ACOT7: variants seen among roughly 807,000 people sequenced by gnomAD.
ACOT7 encodes the protein cytosolic acyl coenzyme A thioester hydrolase.
ACOT7 carries 12 observed loss-of-function variants against 40.2 expected under a neutral mutation model. That is an observed-to-expected ratio of 0.30 (90% CI 0.19 to 0.48). ACOT7 has a LOEUF of 0.48. ACOT7 is among the 20% of genes least tolerant of loss of function. The pLI is 0.99. For missense variants in ACOT7, 395 were observed against 530.8 expected, an observed-to-expected ratio of 0.74 and a Z score of 2.51; for synonymous variants, 228 against 219.5, an observed-to-expected ratio of 1.04 and a Z score of -0.34.
At chr1:6,343,525 C>A (rs1641334553) in intron 2 of ACOT7, among the ~76,000 whole-genome samples, 2 of 152,250 alleles carry the variant, frequency 1.3e-5, no homozygotes, top group African/African-American at 4.8e-5. Context: ...CCCAGCAAAC[C>A]CTGCCCTACT....
intron 2 of ACOT7, among the ~76,000 whole-genome samples, chr1:6,348,094 C>G (rs1286313064): frequency 6.6e-6 from 1 of 151,870 alleles, no homozygotes; most frequent in Non-Finnish European, 1.5e-5. Context: ...CAGGCTCAGG[C>G]CCACCCTCCC....
chr1:6,268,002 G>A (rs1054090635), intron 8 of ACOT7, among the ~76,000 whole-genome samples: 2 of 152,200 alleles, frequency 1.3e-5, no homozygotes, highest in South Asian at 4.1e-4. Context: ...CGGTCACAGG[G>A]TCTGCCTATC....
intron 1 of ACOT7, among the ~76,000 whole-genome samples, chr1:6,366,855 T>C (rs1340652532): frequency 6.6e-6 from 1 of 151,942 alleles, no homozygotes; most frequent in African/African-American, 2.4e-5. Flanking sequence ...GGGGAGAACA[T>C]GTCAGCCAAG....
chr1:6,313,501 T>C (rs78493435), intron 6 of ACOT7, among the ~76,000 whole-genome samples: 2 of 152,342 alleles, frequency 1.3e-5, no homozygotes, highest in East Asian at 3.9e-4. Context: ...GATGACCCTC[T>C]AGGCCCCATG....
chr1:6,271,320 T>C (rs1467438581), intron 8 of ACOT7, among the ~76,000 whole-genome samples: 1 of 152,142 alleles, frequency 6.6e-6, no homozygotes, highest in African/African-American at 2.4e-5. Flanking sequence ...TTTCCAGTGG[T>C]GATATAACAA....
At chr1:6,386,498 C>T (rs1192272610) in intron 1 of ACOT7, among the ~76,000 whole-genome samples, 2 of 152,136 alleles carry the variant, frequency 1.3e-5, no homozygotes, top group African/African-American at 2.4e-5. Context: ...CAGCAAATCC[C>T]GGATTTCCCA....
chr1:6,265,104 G>A (rs1638780505), intron 8 of ACOT7, among the ~76,000 whole-genome samples: 1 of 152,202 alleles, frequency 6.6e-6, no homozygotes, highest in African/African-American at 2.4e-5. Flanking sequence ...GGACTTCGGT[G>A]GAAAATGCAC....
intron 8 of ACOT7, among the ~76,000 whole-genome samples, chr1:6,271,593 AGCGGAGCCTGTCCGCCATCC>A (rs1639036966): frequency 6.6e-6 from 1 of 152,172 alleles, no homozygotes; most frequent in African/African-American, 2.4e-5. Flanking sequence ...ACCTTGCCTT[AGCGGAGCCTGTCCGCCATCC>A]GCTGTGGCCT....
intron 1 of ACOT7, chr1:6,360,557 G>GCTCCCAA: frequency 6.2e-7 from 1 of 1,614,050 alleles, no homozygotes; most frequent in South Asian, 1.1e-5. Context: ...GTTCCTCTCA[G>GCTCCCAA]CTCCCAACTC....
chr1:6,302,962 A>G (rs907262814), intron 6 of ACOT7, among the ~76,000 whole-genome samples: 3 of 152,366 alleles, frequency 2.0e-5, no homozygotes, highest in Admixed American at 2.0e-4. Context: ...CCAGAAAAAC[A>G]TAGTGCCTTC....
chr1:6,356,999 G>C (rs1641764490), intron 1 of ACOT7, among the ~76,000 whole-genome samples: 1 of 151,908 alleles, frequency 6.6e-6, no homozygotes, highest in Non-Finnish European at 1.5e-5. Flanking sequence ...AGCACTTTAG[G>C]AGCTGAGGCA....
chr1:6,374,512 G>A (rs1642190462), intron 1 of ACOT7, among the ~76,000 whole-genome samples: 1 of 152,218 alleles, frequency 6.6e-6, no homozygotes, highest in East Asian at 1.9e-4. Flanking sequence ...TGGGGGCCAA[G>A]GACTCTGCCT....
rs115915823 is a variant in ACOT7, at chr1:6,385,502, A to G, written c.143+7755T>C. 1.3e-3 allele frequency: 2,061 copies of G among 1,609,826 alleles called. 56 individuals carry two copies. Among genetic ancestry groups the G allele is most frequent in the Non-Finnish European group, 1.6e-3 (1,870 of 1,177,910 alleles). Reference sequence around the variant, plus strand: ...ATTCCCAGTCATCCTACCTTCCAGTAATGCAGGCTCCACAGGGTGGGAGAT... The same window carrying G: ...ATTCCCAGTCATCCTACCTTCCAGTGATGCAGGCTCCACAGGGTGGGAGAT... On this transcript the variant is annotated intron_variant, in intron 1 of 8. Transcript: ENST00000361521.
At position 6,277,326 on chromosome 1, in the gene ACOT7, G is replaced by C. The variant is rs552433807; in HGVS notation, c.1014+3776C>G. On this transcript the variant is annotated intron_variant, in intron 8 of 8. Coordinates refer to ENST00000361521, the MANE Select transcript of ACOT7 (RefSeq NM_007274.4). ...CCGGGAGAGGGAACCGTCATTGGTG[G>C]GCAAACACCAACCACGCCTGCAGCC... Among the ~76,000 whole-genome samples, 4 of 152,346 alleles carry C rather than the reference G, an allele frequency of 2.6e-5. No homozygotes were observed. The East Asian group carries it at 7.7e-4, about 29-fold the overall frequency.
At chr1:6,335,368 G>A (rs1049790523) in intron 3 of ACOT7, among the ~76,000 whole-genome samples, 5 of 151,646 alleles carry the variant, frequency 3.3e-5, no homozygotes, top group East Asian at 1.9e-4. Flanking sequence ...TGGGCATGGC[G>A]GTGCACACAT....
Position 6,274,682 on chromosome 1 carries a change from G to A in ACOT7, c.1014+6420C>T, listed in dbSNP as rs1453968007. ...CAGCAGAGGCAAAAGAATCAAACTG[G>A]AGTGGAAAACTTTCCACTAAAATGT... On this transcript the variant is annotated intron_variant, in intron 8 of 8. Coordinates refer to ENST00000361521, the MANE Select transcript of ACOT7 (RefSeq NM_007274.4). This position sits in a 1 kb window ranked among gnomAD's most constrained non-coding sequence, Gnocchi z 5.9. Among the ~76,000 whole-genome samples the A allele has an allele frequency of 5.3e-5, 8 of 152,326 alleles. No homozygotes were observed. The highest frequency in any genetic ancestry group is 1.9e-4 in the African/African-American group (8 of 41,574).
chr1:6,385,531 CCCTGGGCCCAACCA>C, intron 1 of ACOT7: 2 of 1,612,316 alleles, frequency 1.2e-6, no homozygotes, highest in Non-Finnish European at 1.7e-6. Flanking sequence ...GGGAGATCAG[CCCTGGGCCCAACCA>C]CCTGGACGGG....
chr1:6,392,968 C>T (rs929359684), intron 1 of ACOT7, among the ~76,000 whole-genome samples: 2 of 152,262 alleles, frequency 1.3e-5, no homozygotes, highest in South Asian at 2.1e-4. Flanking sequence ...TCCGCCCGCC[C>T]CGTCCCTGCC....
At chr1:6,385,609 T>C (rs1207525275) in intron 1 of ACOT7, 2 of 1,612,216 alleles carry the variant, frequency 1.2e-6, no homozygotes, top group African/African-American at 1.3e-5. Context: ...ACCAGCCTCC[T>C]GGAAGATGCC....
Sources: allele counts gnomAD v4.1 joint callset (sites outside exome capture counted in the v4.1 genomes callset), GRCh38; gene constraint gnomAD v4.1.1; non-coding constraint Gnocchi (gnomAD v3.1); transcripts MANE v1.5; gene names NCBI Gene and HGNC (gene_info 2026-07-23, HGNC 2026-07-21).